The following LIPH variants were observed in gnomAD, a reference collection of about 807,000 sequenced individuals.
The protein encoded by LIPH is lipase H.
Under a neutral mutation model 47.6 loss-of-function variants are expected in LIPH, and 32 were observed. The ratio of observed to expected loss-of-function variants is 0.67; its 90% CI spans 0.51 to 0.90. LIPH has a LOEUF of 0.90. LIPH is among the 40% of genes least tolerant of loss of function. The pLI is 0.00. For synonymous variants in LIPH, 190 were observed against 195.6 expected (o/e 0.97, Z 0.24); for missense variants, 497 against 541.4 (o/e 0.92, Z 0.81).
chr3:185,542,351 C>T (rs1393738808), intron 1 of LIPH, among the ~76,000 whole-genome samples: 1 of 149,900 alleles, frequency 6.7e-6, no homozygotes, highest in Non-Finnish European at 1.5e-5. Context: ...GAGTTTTGCT[C>T]GTCGCCCAGG....
intron 1 of LIPH, among the ~76,000 whole-genome samples, chr3:185,552,102 C>T (rs562298828): frequency 6.6e-6 from 1 of 151,776 alleles, no homozygotes; most frequent in East Asian, 1.9e-4. Context: ...GATAAATAGG[C>T]TAAGAAAGAA....
chr3:185,512,688 C>T (rs1035196617), intron 8 of LIPH, among the ~76,000 whole-genome samples: 3 of 151,700 alleles, frequency 2.0e-5, no homozygotes, highest in African/African-American at 7.3e-5. Flanking sequence ...AGGGTTTCAC[C>T]ATATTGGCCA....
At position 185,535,243 on chromosome 3, in the gene LIPH, G is replaced by A. The variant is rs1720470216; in HGVS notation, c.50-111C>T. On this transcript the variant is annotated intron_variant, in intron 1 of 9. Coordinates refer to ENST00000296252, the MANE Select transcript of LIPH (RefSeq NM_139248.3). ...TCTTCTTATGTTCCTGATAGGACCT[G>A]GCTAAGGGCTGGATCCAGTTGAATG... is the stretch of plus-strand genomic sequence containing the variant. 6 of 1,281,082 alleles carry A rather than the reference G, an allele frequency of 4.7e-6. No individual in the cohort carries two copies. The East Asian group carries it at 1.2e-4, about 25-fold the overall frequency. The allele number at this position is 1,281,082 out of a possible 1,614,324, so 79.4% of individuals were successfully genotyped here.
intron 5 of LIPH, among the ~76,000 whole-genome samples, chr3:185,523,131 T>A (rs947501265): frequency 1.3e-4 from 20 of 152,204 alleles, no homozygotes; most frequent in African/African-American, 4.8e-4. Flanking sequence ...ATAAATAATG[T>A]ATGTTGAACA....
chr3:185,534,680 CACTG>C, intron 2 of LIPH, 81 bp downstream of exon 2: 1 of 1,408,782 alleles, frequency 7.1e-7, no homozygotes, highest in South Asian at 1.2e-5. Flanking sequence ...GCCTCCTGCT[CACTG>C]TAGCTATCTC....
chr3:185,521,905 A>G (rs937864473), intron 5 of LIPH, among the ~76,000 whole-genome samples: 3 of 152,154 alleles, frequency 2.0e-5, no homozygotes, highest in Non-Finnish European at 2.9e-5. Context: ...ATGGAAATAG[A>G]TGTATTTTTG....
intron 1 of LIPH, among the ~76,000 whole-genome samples, chr3:185,548,493 C>A (rs941902564): frequency 6.6e-6 from 1 of 151,818 alleles, no homozygotes; most frequent in African/African-American, 2.4e-5. Context: ...TTTGGGAGGC[C>A]GAGGTAGGTG....
rs1720405370 is a variant in LIPH, at chr3:185,533,622, T to C, written c.475A>G (p.Ile159Val). ...YMIGVSLGAH[I>V]SGFVGEMYDG... ...TACATCTCTCCAACAAACCCAGATA[T>C]GTGGGCTCCTAGACTTACTCCGATC... is the stretch of plus-strand genomic sequence containing the variant. The change falls in exon 3 of 10, where the codon ATA becomes GTA. Residue 159 changes from isoleucine to valine, a missense_variant. By Grantham distance (29) the Ile-to-Val change is conservative (BLOSUM62 3). Coordinates refer to ENST00000296252, the MANE Select transcript of LIPH (RefSeq NM_139248.3). The C allele has an allele frequency of 1.2e-6, 2 of 1,613,934 alleles. 1 individual carries two copies. The highest frequency in any genetic ancestry group is 2.2e-5 in the South Asian group (2 of 91,082).
At chr3:185,522,424 G>A (rs1284575971) in intron 5 of LIPH, among the ~76,000 whole-genome samples, 5 of 151,094 alleles carry the variant, frequency 3.3e-5, no homozygotes, top group African/African-American at 4.9e-5. Context: ...CAGGAGGATC[G>A]CAAAGAAAGA....
intron 3 of LIPH, among the ~76,000 whole-genome samples, chr3:185,529,545 C>T (rs1017516029): frequency 1.3e-5 from 2 of 150,382 alleles, no homozygotes; most frequent in African/African-American, 2.4e-5. Context: ...CCCAAAAGGC[C>T]GGGATTACAG....
intron 9 of LIPH, 109 bp downstream of exon 9, chr3:185,511,415 C>T: frequency 1.9e-6 from 2 of 1,039,748 alleles, no homozygotes; most frequent in South Asian, 1.3e-5. Flanking sequence ...CATCATGTCC[C>T]TCATTGTGAA....
intron 1 of LIPH, among the ~76,000 whole-genome samples, chr3:185,551,104 G>A (rs1368270957): frequency 1.3e-5 from 2 of 152,086 alleles, no homozygotes; most frequent in East Asian, 1.9e-4. Flanking sequence ...AACCAGGGAG[G>A]GGGAGGTTGT....
intron 1 of LIPH, 101 bp downstream of exon 1, chr3:185,552,322 C>CTTAA: frequency 1.3e-6 from 1 of 788,624 alleles, no homozygotes; most frequent in Non-Finnish European, 2.2e-6. Flanking sequence ...ACTCTATGGA[C>CTTAA]TTAAGTTCAC....
At chr3:185,545,729 A>T (rs1720850727) in intron 1 of LIPH, among the ~76,000 whole-genome samples, 1 of 152,186 alleles carries the variant, frequency 6.6e-6, no homozygotes, top group Non-Finnish European at 1.5e-5. Flanking sequence ...AAAACAAAAA[A>T]ACACGTCTTT....
chr3:185,539,476 T>C (rs912810741), intron 1 of LIPH, among the ~76,000 whole-genome samples: 1 of 151,892 alleles, frequency 6.6e-6, no homozygotes, highest in Admixed American at 6.6e-5. Context: ...GTTCAAGCGA[T>C]TCTACTGCCT....
intron 1 of LIPH, among the ~76,000 whole-genome samples, chr3:185,537,424 G>C (rs1168627595): frequency 6.6e-6 from 1 of 152,028 alleles, no homozygotes. Flanking sequence ...GTAGCGAGGC[G>C]TGCTCGTGAT....
intron 9 of LIPH, among the ~76,000 whole-genome samples, chr3:185,511,322 C>T (rs1719556326): frequency 6.6e-6 from 1 of 151,982 alleles, no homozygotes; most frequent in African/African-American, 2.4e-5. Flanking sequence ...AGCTTGGCCT[C>T]CCAAAGTGCT....
At chr3:185,540,157 T>C (rs542587097) in intron 1 of LIPH, among the ~76,000 whole-genome samples, 2 of 152,288 alleles carry the variant, frequency 1.3e-5, no homozygotes, top group South Asian at 4.1e-4. Context: ...TCCTCCTTTA[T>C]CCTTCACACT....
chr3:185,534,954 A>G lies in LIPH; in HGVS notation c.228T>C (p.His76=), dbSNP rs769787442. 4.3e-6 allele frequency: 7 copies of G among 1,614,152 alleles called. No homozygotes were observed. In the Middle Eastern group the frequency reaches 4.9e-4, roughly 114 times the overall value. The stretch of plus-strand genomic sequence containing the variant: ...GAGGGGAGCCTGTTGGCCTGAATCC[A>G]TGGACAATGAAGGTGGTTTTCTTGG... ...NVTKKTTFIV[H]GFRPTGSPPV... The change falls in exon 2 of 10, where the codon CAT becomes CAC. Residue 76 remains histidine, a synonymous_variant. Transcript: ENST00000296252.
Sources: gnomAD v4.1 joint callset for allele counts (sites outside exome capture counted in the v4.1 genomes callset) on GRCh38, gnomAD v4.1.1 for gene constraint, MANE v1.5 for transcripts, NCBI Gene and HGNC (gene_info 2026-07-23, HGNC 2026-07-21) for gene names.